Variants in MACROD2 observed in about 807,000 individuals in gnomAD.
MACROD2 encodes the protein mono-ADP ribosylhydrolase 2, also known as ADP-ribose glycohydrolase MACROD2.
A neutral mutation model predicts 70.4 loss-of-function variants in MACROD2; 36 were observed. The observed-to-expected ratio is 0.51, with a 90% CI of 0.39 to 0.68. MACROD2 has a LOEUF of 0.68. Ranked by LOEUF, MACROD2 falls within the 30% of genes least tolerant of loss-of-function variation. MACROD2 has a pLI of 0.00. For synonymous variants in MACROD2, 172 were observed against 178.8 expected, an observed-to-expected ratio of 0.96 and a Z score of 0.30; for missense variants, 496 against 538.4, an observed-to-expected ratio of 0.92 and a Z score of 0.78.
rs925328534 is a variant in MACROD2, at chr20:14,558,650, T to G, written c.301+65142T>G. Among the ~76,000 whole-genome samples, 16 of 151,914 alleles carry G rather than the reference T, an allele frequency of 1.1e-4. 1 individual carries two copies. Among genetic ancestry groups the G allele is most frequent in the Admixed American group, 9.2e-4 (14 of 15,212 alleles). The stretch of plus-strand genomic sequence containing the variant: ...CAGGAAAACATAACTATTGCAAATG[T>G]GTGCACATCAAATAATAGTGCCTGG... On this transcript the variant is annotated intron_variant, in intron 4 of 17. Transcript: ENST00000684519.
intron 8 of MACROD2, among the ~76,000 whole-genome samples, chr20:15,667,982 G>A (rs933223779): frequency 4.6e-5 from 7 of 152,174 alleles, no homozygotes; most frequent in African/African-American, 1.7e-4. Flanking sequence ...GGCAGGCACG[G>A]TGGCTCACAC....
At chr20:13,998,435 C>G (rs557467959) in intron 1 of MACROD2, among the ~76,000 whole-genome samples, 1 of 152,234 alleles carries the variant, frequency 6.6e-6, no homozygotes, top group Admixed American at 6.5e-5. Context: ...TACCTTTTGA[C>G]ATTCACAAAA....
At chr20:15,556,296 T>A (rs1280234201) in intron 8 of MACROD2, among the ~76,000 whole-genome samples, 1 of 152,228 alleles carries the variant, frequency 6.6e-6, no homozygotes, top group Non-Finnish European at 1.5e-5. Flanking sequence ...GTTTCTGGAA[T>A]GCTGGTTACA....
chr20:14,862,007 A>ATATATATATATATATTTATATATATATT (rs1568838667), intron 5 of MACROD2, among the ~76,000 whole-genome samples: 4 of 23,094 alleles, frequency 1.7e-4, no homozygotes, highest in African/African-American at 5.8e-4. Flanking sequence ...ATATATATTT[A>ATATATATATATATATTTATATATATATT]TATATATATA....
intron 3 of MACROD2, among the ~76,000 whole-genome samples, chr20:14,232,767 C>G (rs2081829434): frequency 6.6e-6 from 1 of 152,240 alleles, no homozygotes; most frequent in South Asian, 2.1e-4. Flanking sequence ...TGTGTGTTCA[C>G]TGAAGTGGCA....
intron 5 of MACROD2, among the ~76,000 whole-genome samples, chr20:14,691,671 A>C (rs1415562957): frequency 6.6e-6 from 1 of 152,178 alleles, no homozygotes; most frequent in Non-Finnish European, 1.5e-5. Context: ...AGTCCTTTGC[A>C]AAGGGTGACC....
chr20:15,267,154 C>T (rs908629982), intron 6 of MACROD2, among the ~76,000 whole-genome samples: 1 of 152,258 alleles, frequency 6.6e-6, no homozygotes, highest in Non-Finnish European at 1.5e-5. Flanking sequence ...ACCTGCAAAG[C>T]AGTCATTCCA....
chr20:15,091,018 C>G (rs2075788670), intron 5 of MACROD2, among the ~76,000 whole-genome samples: 1 of 151,884 alleles, frequency 6.6e-6, no homozygotes, highest in Non-Finnish European at 1.5e-5. Context: ...CCTTCCCTCC[C>G]CACCCACCTC....
intron 5 of MACROD2, among the ~76,000 whole-genome samples, chr20:15,049,081 A>T (rs1459350353): frequency 2.6e-5 from 4 of 152,076 alleles, no homozygotes; most frequent in African/African-American, 2.4e-5. Flanking sequence ...TATTTTTTTT[A>T]ATGTCCAAAA....
At chr20:14,597,754 C>T (rs1982237280) in intron 4 of MACROD2, among the ~76,000 whole-genome samples, 1 of 151,936 alleles carries the variant, frequency 6.6e-6, no homozygotes, top group Admixed American at 6.6e-5. Flanking sequence ...TTGGTAAAGT[C>T]TCCTAATATT....
intron 3 of MACROD2, among the ~76,000 whole-genome samples, chr20:14,103,988 G>A (rs1031175337): frequency 6.6e-6 from 1 of 151,866 alleles, no homozygotes; most frequent in East Asian, 1.9e-4. Context: ...ACTTTTTTAG[G>A]TACACACAGA....
chr20:14,888,615 TC>T (rs1157375851), intron 5 of MACROD2: 1 of 152,144 alleles, frequency 6.6e-6, no homozygotes, highest in African/African-American at 2.4e-5. Context: ...TAAGCACACA[TC>T]CTGATTTGGA....
At chr20:14,715,324 C>A (rs780831955) in intron 5 of MACROD2, among the ~76,000 whole-genome samples, 2 of 152,160 alleles carry the variant, frequency 1.3e-5, no homozygotes, top group Non-Finnish European at 2.9e-5. Context: ...ATTATGGGAA[C>A]TACAGTTCAA....
intron 8 of MACROD2, among the ~76,000 whole-genome samples, chr20:15,547,208 G>T (rs182723217): frequency 1.6e-4 from 24 of 152,244 alleles, no homozygotes; most frequent in Admixed American, 5.2e-4. Context: ...TTCCATCATG[G>T]ATATTCTGAC....
intron 2 of MACROD2, among the ~76,000 whole-genome samples, chr20:14,059,375 TAAG>T (rs1383543038): frequency 1.3e-5 from 2 of 152,110 alleles, no homozygotes; most frequent in African/African-American, 4.8e-5. Flanking sequence ...CCTAGGCAAA[TAAG>T]AATATAAGTG....
rs189719685 is a variant in MACROD2, at chr20:16,034,567, G to T, written c.1154-6634G>T. Reference sequence around the variant, plus strand: ...GCAGATGCCCTAAACTCCAAGACCAGTTTTCTTCCATTTTAGAACCATACC... The same window carrying T: ...GCAGATGCCCTAAACTCCAAGACCATTTTTCTTCCATTTTAGAACCATACC... On this transcript the variant is annotated intron_variant, in intron 15 of 17. Transcript: ENST00000684519. Among the ~76,000 whole-genome samples, 6 of 152,094 alleles carry T rather than the reference G, an allele frequency of 3.9e-5. No individual in the cohort carries two copies. The East Asian group carries it at 1.2e-3, about 29-fold the overall frequency.
At chr20:14,183,056 T>TAACATAGGTAACAA (rs2081317220) in intron 3 of MACROD2, among the ~76,000 whole-genome samples, 1 of 147,980 alleles carries the variant, frequency 6.8e-6, no homozygotes, top group Non-Finnish European at 1.5e-5. Context: ...TTTACCTATG[T>TAACATAGGTAACAA]AACCTATTTG....
At chr20:15,069,433 T>G (rs1319697326) in intron 5 of MACROD2, among the ~76,000 whole-genome samples, 1 of 152,176 alleles carries the variant, frequency 6.6e-6, no homozygotes, top group Non-Finnish European at 1.5e-5. Context: ...GGGAGCCAAG[T>G]GCTAATATTC....
intron 4 of MACROD2, among the ~76,000 whole-genome samples, chr20:14,532,462 A>G (rs559903242): frequency 2.1e-4 from 31 of 151,150 alleles, no homozygotes; most frequent in Admixed American, 1.8e-3. Context: ...TGACCTCGTG[A>G]TCCGCACGTC....
Sources: gnomAD v4.1 joint callset for allele counts (sites outside exome capture counted in the v4.1 genomes callset) on GRCh38, gnomAD v4.1.1 for gene constraint, MANE v1.5 for transcripts, NCBI Gene and HGNC (gene_info 2026-07-23, HGNC 2026-07-21) for gene names.